Variants in GRIN2A observed in about 807,000 individuals in gnomAD.
The protein encoded by GRIN2A is glutamate ionotropic receptor NMDA type subunit 2A.
Under a neutral mutation model 113.4 loss-of-function variants are expected in GRIN2A, and 22 were observed. The ratio of observed to expected loss-of-function variants is 0.19; its 90% CI spans 0.14 to 0.28. The LOEUF (loss-of-function observed/expected upper bound fraction) is 0.28, where lower values mean the gene tolerates loss of function less well. Ranked by LOEUF, GRIN2A falls within the 10% of genes least tolerant of loss-of-function variation. The pLI is 1.00. For missense variants in GRIN2A, 1,502 were observed against 1,887.0 expected (o/e 0.80, Z 3.78); for synonymous variants, 827 against 738.4 (o/e 1.12, Z -1.94).
intron 11 of GRIN2A, among the ~76,000 whole-genome samples, chr16:9,789,431 C>T (rs1400164844): frequency 6.6e-6 from 1 of 152,106 alleles, no homozygotes; most frequent in Non-Finnish European, 1.5e-5. Flanking sequence ...ATCTGGTGGA[C>T]ATGGAAGAAC....
chr16:10,008,402 C>T (rs1256235714), intron 2 of GRIN2A, among the ~76,000 whole-genome samples: 1 of 152,174 alleles, frequency 6.6e-6, no homozygotes, highest in East Asian at 1.9e-4. Context: ...GTAAGACTAA[C>T]TTTAAGAAGC....
At chr16:10,175,187 G>A (rs2050118204) in intron 2 of GRIN2A, among the ~76,000 whole-genome samples, 1 of 152,192 alleles carries the variant, frequency 6.6e-6, no homozygotes, top group Non-Finnish European at 1.5e-5. Flanking sequence ...TGCACTCTGT[G>A]ATGTTCACAC....
intron 2 of GRIN2A, among the ~76,000 whole-genome samples, chr16:10,045,389 GCTCT>G (rs1054795946): frequency 6.7e-6 from 1 of 149,744 alleles, no homozygotes; most frequent in African/African-American, 2.5e-5. Context: ...TGTACAGCAG[GCTCT>G]CTCTCAGGCC....
chr16:10,096,822 A>G (rs1357175033), intron 2 of GRIN2A, among the ~76,000 whole-genome samples: 4 of 151,402 alleles, frequency 2.6e-5, no homozygotes, highest in Non-Finnish European at 4.4e-5. Context: ...ACCACAACTA[A>G]CTCCTTGAGA....
At chr16:9,948,119 A>G (rs2045066714) in intron 2 of GRIN2A, among the ~76,000 whole-genome samples, 3 of 152,332 alleles carry the variant, frequency 2.0e-5, no homozygotes, top group African/African-American at 7.2e-5. Flanking sequence ...ACCCATCCCA[A>G]TGTTAAACCT....
At chr16:9,966,953 T>G (rs536805009) in intron 2 of GRIN2A, among the ~76,000 whole-genome samples, 10 of 152,326 alleles carry the variant, frequency 6.6e-5, no homozygotes, top group African/African-American at 2.2e-4. Context: ...TGTTTAATAG[T>G]GACTCATTTT....
At chr16:10,032,737 CAG>C (rs1292883684) in intron 2 of GRIN2A, among the ~76,000 whole-genome samples, 1 of 152,156 alleles carries the variant, frequency 6.6e-6, no homozygotes, top group Non-Finnish European at 1.5e-5. Context: ...CATTAAACAA[CAG>C]TGGTGGAACA....
chr16:9,911,713 C>T (rs2044141543), intron 3 of GRIN2A, among the ~76,000 whole-genome samples: 1 of 152,066 alleles, frequency 6.6e-6, no homozygotes, highest in African/African-American at 2.4e-5. Flanking sequence ...CCTGTGATGG[C>T]CATTTACCCA....
chr16:9,953,109 C>G (rs953620370), intron 2 of GRIN2A, among the ~76,000 whole-genome samples: 1 of 152,122 alleles, frequency 6.6e-6, no homozygotes, highest in African/African-American at 2.4e-5. Context: ...AGAAATCTCA[C>G]TAAAGCAACT....
At chr16:10,071,934 A>G (rs765054058) in intron 2 of GRIN2A, among the ~76,000 whole-genome samples, 1 of 152,266 alleles carries the variant, frequency 6.6e-6, no homozygotes, top group Non-Finnish European at 1.5e-5. Context: ...AGGCACAGAA[A>G]GGTGGGTAGG....
chr16:9,772,041 A>T (rs533014937), intron 11 of GRIN2A, among the ~76,000 whole-genome samples: 56 of 150,204 alleles, frequency 3.7e-4, no homozygotes, highest in East Asian at 9.7e-4. Flanking sequence ...GTTTTTTTTT[A>T]AAAAAATAGG....
At chr16:9,961,242 G>C (rs1384227082) in intron 2 of GRIN2A, among the ~76,000 whole-genome samples, 2 of 152,118 alleles carry the variant, frequency 1.3e-5, no homozygotes, top group African/African-American at 2.4e-5. Context: ...CTGAATCTCT[G>C]GTTACCACTC....
intron 3 of GRIN2A, among the ~76,000 whole-genome samples, chr16:9,918,926 G>T (rs765271967): frequency 6.6e-6 from 1 of 151,806 alleles, no homozygotes; most frequent in Non-Finnish European, 1.5e-5. Flanking sequence ...TAATCCCAGC[G>T]TTTTGGGAAG....
At chr16:10,101,641 T>C (rs1339966542) in intron 2 of GRIN2A, among the ~76,000 whole-genome samples, 2 of 152,182 alleles carry the variant, frequency 1.3e-5, no homozygotes, top group African/African-American at 2.4e-5. Flanking sequence ...GGGATACCAA[T>C]TATAAACTTG....
chr16:9,957,871 T>G (rs904143978), intron 2 of GRIN2A, among the ~76,000 whole-genome samples: 1 of 152,168 alleles, frequency 6.6e-6, no homozygotes, highest in Non-Finnish European at 1.5e-5. Context: ...CTGTTGGTTT[T>G]CAGCAGGGTT....
intron 2 of GRIN2A, among the ~76,000 whole-genome samples, chr16:9,954,378 T>C (rs2141682236): frequency 6.6e-6 from 1 of 152,124 alleles, no homozygotes; most frequent in Non-Finnish European, 1.5e-5. Context: ...TCCTAGACAC[T>C]CTCTGGAGTT....
intron 2 of GRIN2A, among the ~76,000 whole-genome samples, chr16:10,123,943 A>G (rs1003891835): frequency 3.3e-5 from 5 of 152,182 alleles, no homozygotes; most frequent in African/African-American, 1.2e-4. Flanking sequence ...GGCACAGTGT[A>G]TGGCACATGA....
At chr16:9,800,768 G>C (rs961201881) in intron 10 of GRIN2A, among the ~76,000 whole-genome samples, 23 of 152,136 alleles carry the variant, frequency 1.5e-4, no homozygotes, top group Admixed American at 1.3e-4. Flanking sequence ...ACTGGGCACT[G>C]ATTGGCAACA....
chr16:9,787,867 C>T (rs982772802), intron 11 of GRIN2A, among the ~76,000 whole-genome samples: 3 of 152,152 alleles, frequency 2.0e-5, no homozygotes, highest in Non-Finnish European at 2.9e-5. Flanking sequence ...GCTGAGGCTG[C>T]TGGTTGTAAT....
Sources: allele counts gnomAD v4.1 joint callset (sites outside exome capture counted in the v4.1 genomes callset), GRCh38; gene constraint gnomAD v4.1.1; transcripts MANE v1.5; gene names NCBI Gene and HGNC (gene_info 2026-07-23, HGNC 2026-07-21).